Variants in ATF7IP observed in about 807,000 individuals in gnomAD.
ATF7IP encodes the protein activating transcription factor 7-interacting protein 1.
Under a neutral mutation model 106.4 loss-of-function variants are expected in ATF7IP, and 23 were observed. The observed-to-expected ratio is 0.22, with a 90% CI of 0.16 to 0.31. The LOEUF (loss-of-function observed/expected upper bound fraction) is 0.31, where lower values mean the gene tolerates loss of function less well. ATF7IP is among the 10% of genes least tolerant of loss of function. The probability of loss-of-function intolerance (pLI) is 1.00; values close to 1 mark genes in which losing one functional copy is unlikely to be tolerated. For synonymous variants in ATF7IP, 542 were observed against 539.0 expected (o/e 1.01, Z -0.08); for missense variants, 1,334 against 1,524.3 (o/e 0.88, Z 2.08).
At chr12:14,412,905 T>C (rs988768659) in intron 1 of ATF7IP, among the ~76,000 whole-genome samples, 2 of 152,166 alleles carry the variant, frequency 1.3e-5, no homozygotes, top group African/African-American at 4.8e-5. Flanking sequence ...TTCTAGCTAC[T>C]CAGGAGGCTG....
intron 1 of ATF7IP, among the ~76,000 whole-genome samples, chr12:14,421,616 C>A (rs1941512232): frequency 6.6e-6 from 1 of 152,094 alleles, no homozygotes; most frequent in Non-Finnish European, 1.5e-5. Flanking sequence ...ACTTTAGTAC[C>A]CTTATATTAC....
chr12:14,464,140 C>G (rs529845218), intron 9 of ATF7IP, among the ~76,000 whole-genome samples: 8 of 152,190 alleles, frequency 5.3e-5, no homozygotes, highest in Non-Finnish European at 1.2e-4. Flanking sequence ...AGTGAGACCC[C>G]CATCTGTACA....
chr12:14,488,083 A>G lies in ATF7IP; in HGVS notation c.3280+6898A>G, dbSNP rs1293926937. ...TAAGCAGCCAACTCCAGAAACCCCA[A>G]AATCAATGAAAGAACTCCATCCTTA... is the stretch of plus-strand genomic sequence containing the variant. On this transcript the variant is annotated intron_variant, in intron 13 of 14. Coordinates refer to ENST00000261168, the MANE Select transcript of ATF7IP (RefSeq NM_018179.5). Among the ~76,000 whole-genome samples, 6 of 152,218 alleles carry G rather than the reference A, an allele frequency of 3.9e-5. No homozygotes were observed. In the South Asian group the frequency reaches 1.0e-3, roughly 26 times the overall value.
At chr12:14,425,848 TTAATC>T (rs1463056412) in intron 2 of ATF7IP, among the ~76,000 whole-genome samples, 1 of 152,224 alleles carries the variant, frequency 6.6e-6, no homozygotes, top group Non-Finnish European at 1.5e-5. Flanking sequence ...GCCTAATAGT[TTAATC>T]TATTTGCTTC....
chr12:14,462,896 T>G (rs1403291266), intron 9 of ATF7IP, among the ~76,000 whole-genome samples: 1 of 151,996 alleles, frequency 6.6e-6, no homozygotes, highest in Admixed American at 6.6e-5. Context: ...CAAGTTCCAT[T>G]TAGAATGCTT....
rs181830583 is a variant in ATF7IP, at chr12:14,488,905, A to C, written c.3281-7326A>C. On this transcript the variant is annotated intron_variant, in intron 13 of 14. Transcript: ENST00000261168. ...AAAGACATTTTGTTTGTACAAGTGC[A>C]TACATGCACAAACATGTTTTTAGCA... Among the ~76,000 whole-genome samples the C allele has an allele frequency of 7.2e-5, 11 of 152,376 alleles. No individual in the cohort carries two copies. The East Asian group carries it at 2.1e-3, about 29-fold the overall frequency.
At chr12:14,476,114 A>T in intron 11 of ATF7IP, 146 bp downstream of exon 11, 1 of 652,482 alleles carries the variant, frequency 1.5e-6, no homozygotes, top group South Asian at 2.0e-5. Context: ...TTTAGATTAG[A>T]ATTTTAAAAT....
At position 14,486,188 on chromosome 12, in the gene ATF7IP, T is replaced by G. The variant is rs116841692; in HGVS notation, c.3280+5003T>G. ...AGTAATCCACTGGACCCACTGTAAG[T>G]CAGACCTGAGATAAAATTCCATTAA... On this transcript the variant is annotated intron_variant, in intron 13 of 14. Coordinates refer to ENST00000261168, the MANE Select transcript of ATF7IP (RefSeq NM_018179.5). 2.6e-3 allele frequency among the ~76,000 whole-genome samples: 392 copies of G among 152,262 alleles called. 14 individuals carry two copies. In the East Asian group the frequency reaches 0.072, roughly 28 times the overall value.
intron 13 of ATF7IP, among the ~76,000 whole-genome samples, chr12:14,483,848 C>T (rs1443803113): frequency 1.3e-5 from 2 of 152,060 alleles, no homozygotes; most frequent in African/African-American, 4.8e-5. Flanking sequence ...CAGTGGATTC[C>T]ATGAGAACGA....
At chr12:14,461,906 A>T (rs1943653330) in intron 9 of ATF7IP, among the ~76,000 whole-genome samples, 1 of 152,098 alleles carries the variant, frequency 6.6e-6, no homozygotes, top group Non-Finnish European at 1.5e-5. Context: ...TTTCTTATTG[A>T]TGTTGTAAGT....
rs1945185179 is a variant in ATF7IP at position 14,502,457 on chromosome 12, G to GT, written c.*4390dup. The GT allele has an allele frequency of 6.6e-6, 1 of 151,892 alleles. No individual in the cohort carries two copies. The highest frequency in any genetic ancestry group is 1.9e-4 in the East Asian group (1 of 5,170). 9.4% of individuals were successfully genotyped at this position (151,892 alleles called of 1,614,324 possible). ...ACCATGTTAAAATAAACTTTTCTTT[G>GT]TTTTTTATTTGTAGAGTCAGCTAAG... On this transcript the variant is annotated 3_prime_UTR_variant, in exon 15 of 15. Coordinates refer to ENST00000261168, the MANE Select transcript of ATF7IP (RefSeq NM_018179.5).
chr12:14,463,086 G>A (rs1025774521), intron 9 of ATF7IP, among the ~76,000 whole-genome samples: 1 of 151,974 alleles, frequency 6.6e-6, no homozygotes, highest in Non-Finnish European at 1.5e-5. Context: ...TGACGTTAAA[G>A]TAGGCATTTG....
chr12:14,406,477 T>C (rs959784778), intron 1 of ATF7IP, among the ~76,000 whole-genome samples: 1 of 152,168 alleles, frequency 6.6e-6, no homozygotes, highest in Non-Finnish European at 1.5e-5. Flanking sequence ...TTTATTAATA[T>C]TGCTTTCCTT....
At position 14,424,401 on chromosome 12, in the gene ATF7IP, C is replaced by G. The variant is rs775829768; in HGVS notation, c.486C>G (p.Ser162Arg). Residue 162 changes from serine to arginine, a missense_variant, in exon 2 of 15, where the codon AGC (serine) becomes AGG (arginine). Physicochemically the swap from Ser to Arg is moderately radical, Grantham distance 110 (BLOSUM62 -1). Around this residue, in one of 10 missense-constraint regions of ATF7IP, gnomAD observed 438 missense variants for 405.3 expected, o/e 1.08. Transcript: ENST00000261168. ...CCACCTCTGGTGATCCCACCTCTAGCGAGCCCTCCTCTAGTGATGCTGCCT... is the reference window on the plus strand; with the variant it reads ...CCACCTCTGGTGATCCCACCTCTAGGGAGCCCTCCTCTAGTGATGCTGCCT... ...GDSTSGDPTS[S>R]EPSSSDAASG... The G allele has an allele frequency of 6.2e-7, 1 of 1,612,484 alleles. No individual in the cohort carries two copies. The highest frequency in any genetic ancestry group is 8.5e-7 in the Non-Finnish European group (1 of 1,179,390).
At chr12:14,450,275 C>G in intron 6 of ATF7IP, among the ~76,000 whole-genome samples, 1 of 152,130 alleles carries the variant, frequency 6.6e-6, no homozygotes, top group East Asian at 1.9e-4. Context: ...CGGTTTTTCA[C>G]CATTGAGTAT....
chr12:14,458,621 C>T (rs764728716), intron 8 of ATF7IP, among the ~76,000 whole-genome samples: 4 of 152,150 alleles, frequency 2.6e-5, no homozygotes, highest in East Asian at 1.9e-4. Context: ...TCAGGAGTTC[C>T]GGGCCTGCCG....
intron 5 of ATF7IP, among the ~76,000 whole-genome samples, chr12:14,446,480 A>G (rs558559632): frequency 6.6e-6 from 1 of 152,330 alleles, no homozygotes; most frequent in South Asian, 2.1e-4. Flanking sequence ...GTTAAAGACT[A>G]ACAGAATATG....
At chr12:14,487,151 A>G (rs560856470) in intron 13 of ATF7IP, among the ~76,000 whole-genome samples, 1 of 151,920 alleles carries the variant, frequency 6.6e-6, no homozygotes, top group Non-Finnish European at 1.5e-5. Context: ...CTGAGCTGCA[A>G]CATTAAATGC....
chr12:14,366,489 C>G (rs1427976716), intron 1 of ATF7IP, among the ~76,000 whole-genome samples: 1 of 152,170 alleles, frequency 6.6e-6, no homozygotes, highest in East Asian at 1.9e-4. Flanking sequence ...ATTGGGGGAA[C>G]GGGAATAGTG....
Sources: allele counts gnomAD v4.1 joint callset (sites outside exome capture counted in the v4.1 genomes callset), GRCh38; gene constraint gnomAD v4.1.1; regional missense constraint gnomAD v4.1.1; transcripts MANE v1.5; gene names NCBI Gene and HGNC (gene_info 2026-07-23, HGNC 2026-07-21).